The following RADX variants were observed in gnomAD, a reference collection of about 807,000 sequenced individuals.
The protein encoded by RADX is RPA1 related single stranded DNA binding protein, X-linked.
A neutral mutation model predicts 61.6 loss-of-function variants in RADX; 36 were observed. That is an observed-to-expected ratio of 0.58 (90% CI 0.45 to 0.77). The LOEUF (loss-of-function observed/expected upper bound fraction) is 0.77, where lower values mean the gene tolerates loss of function less well. RADX is among the 30% of genes least tolerant of loss of function. RADX has a pLI of 0.00. For missense variants in RADX, 497 were observed against 651.1 expected, an observed-to-expected ratio of 0.76 and a Z score of 2.58; for synonymous variants, 272 against 237.9, an observed-to-expected ratio of 1.14 and a Z score of -1.32.
chrX:106,674,533 T>G (rs1185373703), intron 13 of RADX, among the ~76,000 whole-genome samples: 8 of 111,623 alleles, frequency 7.2e-5, no homozygotes, highest in African/African-American at 2.0e-4. Flanking sequence ...GTGGTTTTGA[T>G]TTGTTTTTCC....
rs1404637155 is a variant in RADX at position 106,663,712 on chromosome X, A to G, written c.2269+1407A>G. ...TGTGATTTTTACATATTGCATGCCTATATCAAAATATCTCATGTACCCCAT... is the reference window on the plus strand; with the variant it reads ...TGTGATTTTTACATATTGCATGCCTGTATCAAAATATCTCATGTACCCCAT... On this transcript the variant is annotated intron_variant, in intron 12 of 13. Transcript: ENST00000372548. Among the ~76,000 whole-genome samples the G allele has an allele frequency of 1.1e-4, 12 of 111,813 alleles. No individual in the cohort carries two copies. The Admixed American group carries it at 1.1e-3, about 11-fold the overall frequency.
intron 6 of RADX, 63 bp from the exon 7 acceptor site, chrX:106,636,480 C>A: frequency 1.6e-6 from 1 of 641,860 alleles, no homozygotes; most frequent in Non-Finnish European, 2.5e-6. Flanking sequence ...TGTGTTAGAT[C>A]CTGATCTTGT....
intron 13 of RADX, 21 bp from the exon 14 acceptor site, chrX:106,678,107 C>T (rs745618947): frequency 2.7e-6 from 3 of 1,105,516 alleles, no homozygotes; most frequent in Admixed American, 4.6e-5. Context: ...ACAGTACTTA[C>T]CATCTGCTTT....
chrX:106,622,180 C>G (rs1238911915), intron 1 of RADX, among the ~76,000 whole-genome samples: 1 of 111,085 alleles, frequency 9.0e-6, no homozygotes, highest in Non-Finnish European at 1.9e-5. Context: ...CACAAGCAAG[C>G]TGATGGTCTT....
intron 13 of RADX, among the ~76,000 whole-genome samples, chrX:106,677,543 C>T (rs1928541747): frequency 9.4e-6 from 1 of 106,292 alleles, no homozygotes. Context: ...TTACTGGAGA[C>T]CTGATACATT....
At chrX:106,622,859 C>T in intron 2 of RADX, 66 bp downstream of exon 2, 1 of 609,727 alleles carries the variant, frequency 1.6e-6, no homozygotes, top group Middle Eastern at 4.7e-4. Context: ...CACCTCACTC[C>T]ATAGTATGAT....
intron 1 of RADX, among the ~76,000 whole-genome samples, chrX:106,613,904 C>G (rs1373375537): frequency 9.0e-6 from 1 of 111,591 alleles, no homozygotes; most frequent in Non-Finnish European, 1.9e-5. Context: ...AACTGGTGCC[C>G]TACAAGAAAA....
chrX:106,655,588 G>A (rs1053838314), intron 11 of RADX, among the ~76,000 whole-genome samples: 3 of 109,504 alleles, frequency 2.7e-5, no homozygotes, highest in East Asian at 5.8e-4. Context: ...GAGAACATGC[G>A]GTGTTTGGTT....
intron 11 of RADX, among the ~76,000 whole-genome samples, chrX:106,652,033 A>G (rs1405780899): frequency 9.1e-5 from 10 of 109,950 alleles, no homozygotes; most frequent in Admixed American, 6.8e-4. Flanking sequence ...TTTTTTTAAG[A>G]TAAAACACAA....
At position 106,612,699 on chromosome X, in the gene RADX, C is replaced by T. The variant is rs1273679011; in HGVS notation, c.619C>T (p.Gln207Ter). ...TGGAGATATCTGGTTAACAGACAAG[C>T]AACCTGAGGAACACAACTTTAGCGG... Reference protein sequence around the residue: ...PYGDIWLTDKQPEEHNFSDTK... With the variant: ...PYGDIWLTDK The change falls in exon 1 of 14, where the codon CAA becomes TAA. Residue 207 changes from glutamine to a stop codon, truncating the protein, a stop_gained. Transcript: ENST00000372548. LOFTEE classifies it high-confidence loss of function. 1 of 1,198,636 alleles carries T rather than the reference C, an allele frequency of 8.3e-7. No individual in the cohort carries two copies. Among genetic ancestry groups the T allele is most frequent in the Non-Finnish European group, 1.1e-6 (1 of 890,933 alleles).
At chrX:106,644,822 G>T (rs895457919) in intron 10 of RADX, among the ~76,000 whole-genome samples, 1 of 110,847 alleles carries the variant, frequency 9.0e-6, no homozygotes, top group Non-Finnish European at 1.9e-5. Flanking sequence ...CCATTTTTTT[G>T]AATAGTTTGA....
Position 106,633,136 on chromosome X carries a change from G to A in RADX, c.1187G>A (p.Arg396His), listed in dbSNP as rs1049736992. The A allele has an allele frequency of 8.3e-6, 10 of 1,200,115 alleles. No homozygotes were observed. The highest frequency in any genetic ancestry group is 2.3e-4 in the Middle Eastern group (1 of 4,321). ...RVQRSKKKEN[R>H]EDFWSYRWIH... ...TAATATTCTATCCATATAGAAAACC[G>A]TGAAGATTTTTGGTCATATCGCTGG... Residue 396 changes from arginine (R) to histidine (H), a missense_variant, in exon 6 of 14, where the codon CGT (arginine) becomes CAT (histidine). Physicochemically the swap from Arg to His is conservative, Grantham distance 29. Transcript: ENST00000372548.
At chrX:106,647,554 G>A (rs889522092) in intron 10 of RADX, among the ~76,000 whole-genome samples, 11 of 110,829 alleles carry the variant, frequency 9.9e-5, no homozygotes, top group African/African-American at 3.6e-4. Context: ...TTTAATTTTT[G>A]TAGAAACCTC....
intron 3 of RADX, among the ~76,000 whole-genome samples, chrX:106,627,226 A>C (rs1013502857): frequency 3.6e-5 from 4 of 111,717 alleles, no homozygotes; most frequent in African/African-American, 1.3e-4. Flanking sequence ...ATGGGTTTAA[A>C]TCTCCTCAGC....
intron 1 of RADX, 73 bp downstream of exon 1, chrX:106,612,796 A>G: frequency 2.0e-6 from 2 of 1,024,114 alleles, no homozygotes; most frequent in Non-Finnish European, 2.6e-6. Flanking sequence ...ACGGGAAAGG[A>G]AATGAAAATG....
Position 106,661,186 on chromosome X carries a change from T to C in RADX, c.1979-829T>C, listed in dbSNP as rs1266667655. Among the ~76,000 whole-genome samples, 24 of 110,911 alleles carry C rather than the reference T, an allele frequency of 2.2e-4. No individual in the cohort carries two copies. In the Admixed American group the frequency reaches 2.3e-3, roughly 11 times the overall value. On this transcript the variant is annotated intron_variant, in intron 11 of 13. Coordinates refer to ENST00000372548, the MANE Select transcript of RADX (RefSeq NM_018015.6). ...ATAAGGGATAAATTATATTCTGCAT[T>C]AGAAACTTAATGTGTTAGATTTTAA...
intron 3 of RADX, among the ~76,000 whole-genome samples, chrX:106,630,186 G>T (rs1203918407): frequency 9.1e-6 from 1 of 110,406 alleles, no homozygotes; most frequent in African/African-American, 3.3e-5. Flanking sequence ...TTATCCAGTT[G>T]TGGTGGCATG....
intron 6 of RADX, among the ~76,000 whole-genome samples, chrX:106,633,663 G>T (rs774359593): frequency 8.9e-6 from 1 of 112,116 alleles, no homozygotes; most frequent in African/African-American, 3.2e-5. Flanking sequence ...GGTGGACTAT[G>T]TAATTACATA....
At chrX:106,624,054 A>G (rs144622628) in intron 2 of RADX, among the ~76,000 whole-genome samples, 272 of 110,959 alleles carry the variant, frequency 2.5e-3, no homozygotes, top group Non-Finnish European at 4.0e-3. Context: ...AAATTGCCCT[A>G]CCTGGAATGT....
Sources: gnomAD v4.1 joint callset for allele counts (sites outside exome capture counted in the v4.1 genomes callset) on GRCh38, gnomAD v4.1.1 for gene constraint, MANE v1.5 for transcripts, NCBI Gene and HGNC (gene_info 2026-07-23, HGNC 2026-07-21) for gene names.